LINGO2: variants seen among roughly 807,000 people sequenced by gnomAD.
LINGO2 encodes leucine-rich repeat and immunoglobulin-like domain-containing nogo receptor-interacting protein 2.
In LINGO2, 14 loss-of-function variants were observed where a neutral mutation model predicts 30.6. The observed-to-expected ratio is 0.46, with a 90% CI of 0.30 to 0.72. LINGO2 has a LOEUF of 0.72. Ranked by LOEUF, LINGO2 falls within the 30% of genes least tolerant of loss-of-function variation. The pLI is 0.07. For synonymous variants in LINGO2, 317 were observed against 288.5 expected (o/e 1.10, Z -1.00); for missense variants, 729 against 751.7 (o/e 0.97, Z 0.35).
chr9:28,493,010 T>C (rs1254926102), intron 1 of LINGO2, among the ~76,000 whole-genome samples: 2 of 152,046 alleles, frequency 1.3e-5, no homozygotes, highest in Non-Finnish European at 2.9e-5. Flanking sequence ...CTCTGACAGA[T>C]GGGGGCTCAT....
the LINGO2 span, among the ~76,000 whole-genome samples, chr9:29,075,520 G>A: frequency 9.9e-5 from 15 of 151,934 alleles, no homozygotes; most frequent in South Asian, 1.0e-3. Flanking sequence ...CTTTTATTTC[G>A]AATTCTTCTT....
At chr9:28,453,525 C>A (rs897284858) in intron 2 of LINGO2, among the ~76,000 whole-genome samples, 4 of 151,798 alleles carry the variant, frequency 2.6e-5, no homozygotes, top group Non-Finnish European at 5.9e-5. Flanking sequence ...GACTCAAAGA[C>A]AAAGAAATTT....
At chr9:28,746,384 C>T in the LINGO2 span, among the ~76,000 whole-genome samples, 1 of 152,052 alleles carries the variant, frequency 6.6e-6, no homozygotes, top group Admixed American at 6.5e-5. Flanking sequence ...CAGGAAAGTT[C>T]CTCTGGAGTT....
chr9:29,208,110 C>T, the LINGO2 span, among the ~76,000 whole-genome samples: 1 of 151,980 alleles, frequency 6.6e-6, no homozygotes, highest in Non-Finnish European at 1.5e-5. Flanking sequence ...TAGATTAAAT[C>T]ACTGAACAAA....
the LINGO2 span, among the ~76,000 whole-genome samples, chr9:28,784,252 T>C: frequency 6.6e-6 from 1 of 152,230 alleles, no homozygotes; most frequent in African/African-American, 2.4e-5. Flanking sequence ...AGTCCCTTTA[T>C]GTACACAGTA....
chr9:28,609,557 C>T (rs1825828280), intron 1 of LINGO2, among the ~76,000 whole-genome samples: 1 of 151,940 alleles, frequency 6.6e-6, no homozygotes, highest in African/African-American at 2.4e-5. Context: ...AAATGCAATG[C>T]TATCTTCACA....
In LINGO2 at chr9:28,469,190, A is replaced by G. The variant is rs552253036; in HGVS notation, c.-279+6750T>C. The stretch of plus-strand genomic sequence containing the variant: ...TGAAAATTCACTAGAGTTGTTCAAC[A>G]GCAACCTTGAACAAGCAAAGAAAAG... On this transcript the variant is annotated intron_variant, in intron 2 of 5. Coordinates refer to ENST00000379992, the Ensembl canonical transcript of LINGO2. Among the ~76,000 whole-genome samples, 163 of 152,186 alleles carry G rather than the reference A, an allele frequency of 1.1e-3. 2 individuals carry two copies. Among genetic ancestry groups the G allele is most frequent in the African/African-American group, 3.8e-3 (158 of 41,546 alleles).
At chr9:28,245,505 T>A (rs1330236873) in intron 4 of LINGO2, among the ~76,000 whole-genome samples, 1 of 152,088 alleles carries the variant, frequency 6.6e-6, no homozygotes, top group African/African-American at 2.4e-5. Context: ...AGAGACAAAG[T>A]CAAACTGTCT....
chr9:28,594,719 C>A lies in LINGO2; in HGVS notation c.-365+75481G>T, dbSNP rs568935313. Among the ~76,000 whole-genome samples, 300 of 152,150 alleles carry A rather than the reference C, an allele frequency of 2.0e-3. 3 individuals are homozygous for A. The highest frequency in any genetic ancestry group is 6.5e-3 in the African/African-American group (272 of 41,550). ...AGAAGAGAGATCGCAATATGAAAAG[C>A]TTAGCGTGGAAAACATAGGGATTAT... is the stretch of plus-strand genomic sequence containing the variant. On this transcript the variant is annotated intron_variant, in intron 1 of 5. Coordinates refer to ENST00000379992, the Ensembl canonical transcript of LINGO2.
the LINGO2 span, among the ~76,000 whole-genome samples, chr9:28,722,686 G>T: frequency 3.9e-5 from 6 of 152,102 alleles, no homozygotes; most frequent in Non-Finnish European, 7.4e-5. Flanking sequence ...TCTGTCTTTT[G>T]AAGGTCACTG....
intron 4 of LINGO2, among the ~76,000 whole-genome samples, chr9:28,083,265 G>T (rs925764790): frequency 1.3e-5 from 2 of 152,162 alleles, no homozygotes; most frequent in African/African-American, 4.8e-5. Context: ...GTCATTCCTG[G>T]CTTTGGCCCC....
the LINGO2 span, among the ~76,000 whole-genome samples, chr9:28,809,959 C>A: frequency 2.6e-3 from 399 of 152,200 alleles, 10 homozygotes; most frequent in Non-Finnish European, 1.2e-3. Context: ...CCCTTCACCT[C>A]ACACAAACAT....
rs1822853262 is a variant in LINGO2, at chr9:28,016,642, G to GA, written c.-86-4238dup. 4.7e-5 allele frequency among the ~76,000 whole-genome samples: 3 copies of GA among 64,380 alleles called. No individual in the cohort carries two copies. In the South Asian group the frequency reaches 2.3e-3, roughly 50 times the overall value. 42.2% of individuals were successfully genotyped at this position (64,380 alleles called of 152,430 possible). A position where few individuals can be genotyped will look rare whatever the true frequency, so the allele number is the denominator to read the frequency against. ...CCCAAGACTGAACCAGGAAGACACT[G>GA]AATCTCCAAACATATCAATGAGTTC... On this transcript the variant is annotated intron_variant, in intron 4 of 5. Coordinates refer to ENST00000379992, the Ensembl canonical transcript of LINGO2.
intron 2 of LINGO2, among the ~76,000 whole-genome samples, chr9:28,418,276 T>C (rs1823049671): frequency 4.2e-5 from 1 of 23,956 alleles, no homozygotes; most frequent in Non-Finnish European, 8.5e-5. Context: ...GGCCATGTAC[T>C]TTTTTTTTTT....
At chr9:29,074,955 C>T in the LINGO2 span, among the ~76,000 whole-genome samples, 452 of 152,092 alleles carry the variant, frequency 3.0e-3, 2 homozygotes, top group East Asian at 0.015. Context: ...GGATTACAGG[C>T]GTGAGCCACC....
intron 4 of LINGO2, among the ~76,000 whole-genome samples, chr9:28,213,606 A>G (rs1820668041): frequency 6.6e-6 from 1 of 151,334 alleles, no homozygotes; most frequent in Non-Finnish European, 1.5e-5. Flanking sequence ...TATAATAAAC[A>G]TTTATCTTCC....
chr9:28,417,258 T>C (rs1823004074), intron 2 of LINGO2, among the ~76,000 whole-genome samples: 3 of 152,324 alleles, frequency 2.0e-5, no homozygotes, highest in Admixed American at 6.5e-5. Context: ...CTATTAGGAA[T>C]GGCTGCAGTT....
intron 4 of LINGO2, among the ~76,000 whole-genome samples, chr9:28,290,624 A>T (rs545823845): frequency 2.6e-5 from 4 of 152,198 alleles, no homozygotes; most frequent in Non-Finnish European, 5.9e-5. Context: ...TTTATATAGC[A>T]GGGAAGGAAT....
chr9:29,099,509 A>G, the LINGO2 span, among the ~76,000 whole-genome samples: 2 of 152,190 alleles, frequency 1.3e-5, no homozygotes, highest in Non-Finnish European at 2.9e-5. Context: ...TAACCAAAAT[A>G]TATGAGGAGA....
Sources: gnomAD v4.1 joint callset for allele counts (sites outside exome capture counted in the v4.1 genomes callset) on GRCh38, gnomAD v4.1.1 for gene constraint, MANE v1.5 for transcripts, NCBI Gene and HGNC (gene_info 2026-07-23, HGNC 2026-07-21) for gene names.